ZBTB17: variants seen among roughly 807,000 people sequenced by gnomAD.
The protein encoded by ZBTB17 is zinc finger and BTB domain-containing protein 17.
ZBTB17 carries 24 observed loss-of-function variants against 85.1 expected under a neutral mutation model. The observed-to-expected ratio is 0.28, with a 90% confidence interval of 0.20 to 0.40. The LOEUF is 0.40. Among genes scored for constraint, ZBTB17 ranks in the 10% least tolerant of loss-of-function variants. The probability of loss-of-function intolerance (pLI) is 1.00; values close to 1 mark genes in which losing one functional copy is unlikely to be tolerated. For synonymous variants in ZBTB17, 464 were observed against 460.2 expected (o/e 1.01, Z -0.11); for missense variants, 743 against 1,105.1 (o/e 0.67, Z 4.65).
chr1:15,960,460 C>T (rs1249099744), intron 2 of ZBTB17, among the ~76,000 whole-genome samples: 1 of 152,190 alleles, frequency 6.6e-6, no homozygotes, highest in Admixed American at 6.5e-5. Flanking sequence ...TGCTGTCATC[C>T]TTATCCTATC....
At chr1:15,969,970 C>A in intron 2 of ZBTB17, 1 of 834,060 alleles carries the variant, frequency 1.2e-6, no homozygotes, top group Non-Finnish European at 1.9e-6. Flanking sequence ...TGGCTTCCCA[C>A]TGGGGAAGAG....
chr1:15,957,052 T>C (rs549961425), intron 2 of ZBTB17, among the ~76,000 whole-genome samples: 9 of 151,576 alleles, frequency 5.9e-5, no homozygotes, highest in East Asian at 5.8e-4. Context: ...TGGTGGTGGG[T>C]GCCTGTAATC....
At position 15,964,844 on chromosome 1, in the gene ZBTB17, G is replaced by C. The variant is rs571450807; in HGVS notation, c.-3+8195C>G. ...TTTAAACAGAGAACAGGCCGGGCAC[G>C]GTGGCTCACGCCTATAATCCCAGCA... On this transcript the variant is annotated intron_variant, in intron 2 of 15. Coordinates refer to ENST00000375743, the MANE Select transcript of ZBTB17 (RefSeq NM_003443.3). The surrounding 1 kb of genome is among the most constrained non-coding windows in gnomAD (Gnocchi z 4.3). 6.6e-6 allele frequency among the ~76,000 whole-genome samples: 1 copy of C among 152,150 alleles called. No individual in the cohort carries two copies. The highest frequency in any genetic ancestry group is 2.4e-5 in the African/African-American group (1 of 41,430).
At chr1:15,968,831 C>A (rs1217995692) in intron 2 of ZBTB17, among the ~76,000 whole-genome samples, 1 of 152,224 alleles carries the variant, frequency 6.6e-6, no homozygotes, top group Non-Finnish European at 1.5e-5. Context: ...TTGGGCCTTC[C>A]TCAACTTCAA....
intron 15 of ZBTB17, 38 bp from the exon 16 acceptor site, chr1:15,942,290 C>A: frequency 6.2e-7 from 1 of 1,613,764 alleles, no homozygotes; most frequent in Non-Finnish European, 8.5e-7. Context: ...GGGAAGGACC[C>A]CGGGCTCTGC....
Position 15,965,076 on chromosome 1 carries a change from T to C in ZBTB17, c.-3+7963A>G, listed in dbSNP as rs188217416. Among the ~76,000 whole-genome samples the C allele has an allele frequency of 1.8e-3, 265 of 147,954 alleles. 2 individuals are homozygous for C. The highest frequency in any genetic ancestry group is 4.4e-3 in the African/African-American group (175 of 39,920). On this transcript the variant is annotated intron_variant, in intron 2 of 15. Transcript: ENST00000375743. ...TTGCAGTGAGCTGAGATCGCGCCAC[T>C]GCACTCCAGCCGGGGCAACAGAGTG...
chr1:15,954,861 TA>T (rs1459123440), intron 2 of ZBTB17, among the ~76,000 whole-genome samples: 11 of 143,088 alleles, frequency 7.7e-5, no homozygotes, highest in African/African-American at 2.9e-4. Context: ...AAAAAACAAA[TA>T]AAAAACTTCT....
In ZBTB17 at chr1:15,948,409, C is replaced by G; in HGVS notation, c.87G>C (p.Val29=). The G allele has an allele frequency of 1.2e-6, 2 of 1,614,056 alleles. No homozygotes were observed. Among genetic ancestry groups the G allele is most frequent in the South Asian group, 2.2e-5 (2 of 91,092 alleles). ...QLGLLCDCTF[V]VDGVHFKAHK... ...GAGCCTTAAAGTGAACACCGTCCAC[C>G]ACAAAGGTGCAGTCACAGAGAAGCC... Residue 29 remains valine, a synonymous_variant, in exon 3 of 16, where the codon GTG becomes GTC. Transcript: ENST00000375743.
Position 15,941,923 on chromosome 1 carries a change from C to T in ZBTB17, c.*46G>A. The T allele has an allele frequency of 6.4e-7, 1 of 1,556,390 alleles. No homozygotes were observed. Among genetic ancestry groups the T allele is most frequent in the Non-Finnish European group, 8.7e-7 (1 of 1,155,050 alleles). On this transcript the variant is annotated 3_prime_UTR_variant, in exon 16 of 16. Coordinates refer to ENST00000375743, the MANE Select transcript of ZBTB17 (RefSeq NM_003443.3). The stretch of plus-strand genomic sequence containing the variant: ...GGGAACAGGCCACCCTTCCCGGTTC[C>T]AGGGTGCCATCCATCCTTAAATAAA...
chr1:15,947,714 G>A (rs2071670613), intron 3 of ZBTB17, among the ~76,000 whole-genome samples: 1 of 152,182 alleles, frequency 6.6e-6, no homozygotes, highest in Admixed American at 6.5e-5. Flanking sequence ...TCAGGGCTCT[G>A]CTACCAACTC....
intron 3 of ZBTB17, 93 bp from the exon 4 acceptor site, chr1:15,947,216 T>C (rs2071646010): frequency 6.8e-6 from 9 of 1,324,804 alleles, no homozygotes; most frequent in Middle Eastern, 1.9e-4. Flanking sequence ...GACGCAGGGA[T>C]TTAGGAACAG....
intron 2 of ZBTB17, among the ~76,000 whole-genome samples, chr1:15,957,140 C>T (rs538919865): frequency 6.7e-6 from 1 of 148,450 alleles, no homozygotes; most frequent in Admixed American, 6.7e-5. Context: ...GATCGTGCCA[C>T]TGCACTCCAG....
chr1:15,948,872 T>C (rs567314967), intron 2 of ZBTB17, among the ~76,000 whole-genome samples: 1 of 152,346 alleles, frequency 6.6e-6, no homozygotes, highest in Admixed American at 6.5e-5. Flanking sequence ...CACTTTAACA[T>C]TTGTTACAAA....
At chr1:15,958,786 C>G (rs2072145422) in intron 2 of ZBTB17, among the ~76,000 whole-genome samples, 1 of 152,146 alleles carries the variant, frequency 6.6e-6, no homozygotes, top group Admixed American at 6.5e-5. Flanking sequence ...GGGCAGGGGA[C>G]AGCATAAGCA....
Position 15,944,297 on chromosome 1 carries a change from C to T in ZBTB17, c.1371+3G>A. 1 of 1,551,248 alleles carries T rather than the reference C, an allele frequency of 6.4e-7. No homozygotes were observed. Among genetic ancestry groups the T allele is most frequent in the Non-Finnish European group, 8.7e-7 (1 of 1,147,246 alleles). On this transcript the variant is annotated splice_donor_region_variant and intron_variant, in intron 9 of 15. Transcript: ENST00000375743. The stretch of plus-strand genomic sequence containing the variant: ...GCGCTGGTTCCGGGAGGGGTCCGCA[C>T]ACCTGGTTGAACTTCTTGTCGCAGT...
rs551437306 is a variant in ZBTB17, at chr1:15,964,837, C to T, written c.-3+8202G>A. Among the ~76,000 whole-genome samples, 1 of 152,156 alleles carries T rather than the reference C, an allele frequency of 6.6e-6. No individual in the cohort carries two copies. Among genetic ancestry groups the T allele is most frequent in the African/African-American group, 2.4e-5 (1 of 41,512 alleles). On this transcript the variant is annotated intron_variant, in intron 2 of 15. Coordinates refer to ENST00000375743, the MANE Select transcript of ZBTB17 (RefSeq NM_003443.3). The surrounding 1 kb of genome is among the most constrained non-coding windows in gnomAD (Gnocchi z 4.3). ...TGTGGTATTTAAACAGAGAACAGGC[C>T]GGGCACGGTGGCTCACGCCTATAAT... is the stretch of plus-strand genomic sequence containing the variant.
chr1:15,969,264 A>T lies in ZBTB17; in HGVS notation c.-3+3775T>A, dbSNP rs368781574. 1.1e-4 allele frequency among the ~76,000 whole-genome samples: 16 copies of T among 152,104 alleles called. No individual in the cohort carries two copies. In the East Asian group the frequency reaches 3.1e-3, roughly 29 times the overall value. On this transcript the variant is annotated intron_variant, in intron 2 of 15. Coordinates refer to ENST00000375743, the MANE Select transcript of ZBTB17 (RefSeq NM_003443.3). ...CTAGTTGCAGGAAAAGCAGCTCAGGACTCCCACTGACTCTACATGATGGTG... is the reference window on the plus strand; with the variant it reads ...CTAGTTGCAGGAAAAGCAGCTCAGGTCTCCCACTGACTCTACATGATGGTG...
Position 15,952,157 on chromosome 1 carries a change from AGAG to A in ZBTB17, c.-2-3663_-2-3661del, listed in dbSNP as rs2071880225. Among the ~76,000 whole-genome samples the A allele has an allele frequency of 5.9e-5, 9 of 152,306 alleles. No homozygotes were observed. In the South Asian group the frequency reaches 1.9e-3, roughly 32 times the overall value. On this transcript the variant is annotated intron_variant, in intron 2 of 15. Transcript: ENST00000375743. This position sits in a 1 kb window ranked among gnomAD's most constrained non-coding sequence, Gnocchi z 4.3. ...ACGAGACCACAGAGCCCAGCAGCCC[AGAG>A]TCCTCATTTTAGATGCAGACTGACC...
rs974854314 is a variant in ZBTB17, at chr1:15,966,323, G to A, written c.-3+6716C>T. 4.6e-5 allele frequency among the ~76,000 whole-genome samples: 7 copies of A among 152,184 alleles called. No individual in the cohort carries two copies. Among genetic ancestry groups the A allele is most frequent in the African/African-American group, 1.7e-4 (7 of 41,434 alleles). On this transcript the variant is annotated intron_variant, in intron 2 of 15. Transcript: ENST00000375743. The surrounding 1 kb of genome is among the most constrained non-coding windows in gnomAD (Gnocchi z 4.1). ...AGGTTAATAAGTTCCAGTATAGGAA[G>A]TGGTGCGGCTGGGGTGGGGAGAACA...
Sources: gnomAD v4.1 joint callset for allele counts (sites outside exome capture counted in the v4.1 genomes callset) on GRCh38, gnomAD v4.1.1 for gene constraint, Gnocchi (gnomAD v3.1) non-coding constraint, MANE v1.5 for transcripts, NCBI Gene and HGNC (gene_info 2026-07-23, HGNC 2026-07-21) for gene names.